NCAM2: variants seen among roughly 807,000 people sequenced by gnomAD.
The protein encoded by NCAM2 is N-CAM-2.
Under a neutral mutation model 98.1 loss-of-function variants are expected in NCAM2, and 30 were observed. The ratio of observed to expected loss-of-function variants is 0.31; its 90% CI spans 0.23 to 0.41. NCAM2 has a LOEUF of 0.41. NCAM2 is among the 10% of genes least tolerant of loss of function. The pLI, the probability that NCAM2 is intolerant of heterozygous loss-of-function variation, is 1.00. For missense variants in NCAM2, 867 were observed against 1,005.8 expected (o/e 0.86, Z 1.87); for synonymous variants, 368 against 342.4 (o/e 1.07, Z -0.83).
intron 1 of NCAM2, among the ~76,000 whole-genome samples, chr21:21,036,923 T>C (rs768359968): frequency 5.3e-5 from 8 of 152,212 alleles, no homozygotes; most frequent in African/African-American, 9.7e-5. Flanking sequence ...TTCACTAATA[T>C]AGGTTTTTCT....
chr21:21,173,860 C>T (rs2068198008), intron 1 of NCAM2, among the ~76,000 whole-genome samples: 1 of 152,022 alleles, frequency 6.6e-6, no homozygotes, highest in African/African-American at 2.4e-5. Context: ...ATTAGCATAC[C>T]CAGAGGCTTG....
At chr21:21,183,692 T>G (rs957943369) in intron 1 of NCAM2, among the ~76,000 whole-genome samples, 2 of 152,070 alleles carry the variant, frequency 1.3e-5, no homozygotes, top group African/African-American at 4.8e-5. Flanking sequence ...AGAGATCTCT[T>G]TGAGAAATTC....
intron 12 of NCAM2, among the ~76,000 whole-genome samples, chr21:21,451,069 G>T (rs1172487792): frequency 6.6e-6 from 1 of 151,974 alleles, no homozygotes; most frequent in Non-Finnish European, 1.5e-5. Context: ...AGGAACTATT[G>T]CTCATACAGG....
At chr21:21,259,155 A>G (rs1171030567) in intron 1 of NCAM2, among the ~76,000 whole-genome samples, 2 of 152,230 alleles carry the variant, frequency 1.3e-5, no homozygotes, top group Admixed American at 6.5e-5. Context: ...GCTTGGACTT[A>G]CAAAAAGAGT....
intron 1 of NCAM2, among the ~76,000 whole-genome samples, chr21:21,156,646 A>G (rs1314209339): frequency 6.6e-6 from 1 of 152,014 alleles, no homozygotes; most frequent in Admixed American, 6.6e-5. Flanking sequence ...AGTTATATGT[A>G]TCATATTCCC....
At chr21:21,169,001 A>C (rs1749201360) in intron 1 of NCAM2, among the ~76,000 whole-genome samples, 1 of 152,212 alleles carries the variant, frequency 6.6e-6, no homozygotes. Context: ...TTGAAGCAGA[A>C]GAACAAAGTT....
chr21:21,373,224 A>G (rs904436574), intron 8 of NCAM2, among the ~76,000 whole-genome samples: 5 of 151,864 alleles, frequency 3.3e-5, no homozygotes, highest in African/African-American at 1.2e-4. Context: ...CATTTGTTCA[A>G]CTATACTATC....
At chr21:21,404,262 G>A (rs1312793925) in intron 9 of NCAM2, among the ~76,000 whole-genome samples, 1 of 152,158 alleles carries the variant, frequency 6.6e-6, no homozygotes, top group Admixed American at 6.5e-5. Flanking sequence ...TATATTGTAT[G>A]TATATGTGTA....
intron 15 of NCAM2, among the ~76,000 whole-genome samples, chr21:21,507,788 C>CAAAAA (rs35904478): frequency 1.0e-5 from 1 of 98,102 alleles, no homozygotes; most frequent in South Asian, 3.1e-4. Flanking sequence ...GACTCCATCT[C>CAAAAA]AAAAAAAAAA....
chr21:21,239,290 G>A (rs1202327953), intron 1 of NCAM2: 1 of 152,148 alleles, frequency 6.6e-6, no homozygotes, highest in Non-Finnish European at 1.5e-5. Flanking sequence ...TCCCACCACA[G>A]CCATCTTCAG....
intron 16 of NCAM2, among the ~76,000 whole-genome samples, chr21:21,532,665 G>A (rs558869572): frequency 6.6e-6 from 1 of 152,084 alleles, no homozygotes; most frequent in Non-Finnish European, 1.5e-5. Flanking sequence ...TCATTTTCTT[G>A]CTAAGAATCA....
intron 1 of NCAM2, among the ~76,000 whole-genome samples, chr21:21,020,094 T>C (rs889066677): frequency 1.3e-4 from 20 of 152,166 alleles, no homozygotes; most frequent in African/African-American, 4.3e-4. Context: ...TGGAGTGCAG[T>C]GGCGTGATCT....
chr21:21,517,289 AT>A (rs1186767521), intron 16 of NCAM2, among the ~76,000 whole-genome samples: 4 of 152,078 alleles, frequency 2.6e-5, no homozygotes, highest in Admixed American at 6.6e-5. Flanking sequence ...TTTATTACAT[AT>A]TTTTATATTC....
chr21:21,403,010 A>G (rs1016055551), intron 9 of NCAM2, among the ~76,000 whole-genome samples: 1 of 152,046 alleles, frequency 6.6e-6, no homozygotes, highest in Non-Finnish European at 1.5e-5. Flanking sequence ...ATGTGAGTTT[A>G]TATCTTCTTA....
chr21:21,024,435 AC>A (rs1230171338), intron 1 of NCAM2, among the ~76,000 whole-genome samples: 1 of 152,246 alleles, frequency 6.6e-6, no homozygotes, highest in Admixed American at 6.5e-5. Context: ...AAACATGCAA[AC>A]TATTTTAATA....
At chr21:21,368,712 A>C (rs1394016045) in intron 8 of NCAM2, among the ~76,000 whole-genome samples, 2 of 151,760 alleles carry the variant, frequency 1.3e-5, no homozygotes, top group Non-Finnish European at 2.9e-5. Flanking sequence ...TCATGATCTA[A>C]TCAACTCCCA....
chr21:21,062,086 A>T (rs1406462025), intron 1 of NCAM2, among the ~76,000 whole-genome samples: 9 of 152,142 alleles, frequency 5.9e-5, no homozygotes, highest in Non-Finnish European at 2.9e-5. Context: ...AATATTTAGA[A>T]GTGGTATAAT....
At chr21:21,357,793 AAAAC>A (rs1423979291) in intron 8 of NCAM2, among the ~76,000 whole-genome samples, 2 of 152,214 alleles carry the variant, frequency 1.3e-5, no homozygotes, top group African/African-American at 4.8e-5. Flanking sequence ...GACAAATAAA[AAAAC>A]AAATAATACA....
intron 8 of NCAM2, among the ~76,000 whole-genome samples, chr21:21,362,635 T>C (rs1254213559): frequency 1.3e-5 from 2 of 152,180 alleles, no homozygotes; most frequent in African/African-American, 4.8e-5. Context: ...TTGCAAACTC[T>C]TCAGTGGTAA....
Sources: gnomAD v4.1 joint callset for allele counts (sites outside exome capture counted in the v4.1 genomes callset) on GRCh38, gnomAD v4.1.1 for gene constraint, MANE v1.5 for transcripts, NCBI Gene and HGNC (gene_info 2026-07-23, HGNC 2026-07-21) for gene names.